ANK3: variants seen among roughly 807,000 people sequenced by gnomAD.
The protein encoded by ANK3 is ankyrin-3.
Under a neutral mutation model 370.9 loss-of-function variants are expected in ANK3, and 57 were observed. The ratio of observed to expected loss-of-function variants is 0.15; its 90% CI spans 0.12 to 0.19. The LOEUF (loss-of-function observed/expected upper bound fraction) is 0.19, where lower values mean the gene tolerates loss of function less well. Among genes scored for constraint, ANK3 ranks in the 10% least tolerant of loss-of-function variants. ANK3 has a pLI of 1.00. For missense variants in ANK3, 4,439 were observed against 5,302.1 expected (o/e 0.84, Z 5.06); for synonymous variants, 1,929 against 1,946.3 (o/e 0.99, Z 0.23).
intron 2 of ANK3, among the ~76,000 whole-genome samples, chr10:60,459,352 C>G (rs961969685): frequency 6.6e-6 from 1 of 152,128 alleles, no homozygotes; most frequent in African/African-American, 2.4e-5. Context: ...CCTGTATGAT[C>G]TGGCAGGTCG....
chr10:60,178,803 A>G (rs2096055720), intron 18 of ANK3, among the ~76,000 whole-genome samples: 1 of 152,208 alleles, frequency 6.6e-6, no homozygotes, highest in Admixed American at 6.5e-5. Flanking sequence ...ATGCTTCCGG[A>G]CATTATCCTT....
intron 1 of ANK3, among the ~76,000 whole-genome samples, chr10:60,323,142 G>T (rs1441608385): frequency 6.6e-6 from 1 of 152,154 alleles, no homozygotes; most frequent in Non-Finnish European, 1.5e-5. Flanking sequence ...CTCCAGTAAA[G>T]GGTGTATTAA....
chr10:60,604,276 T>G (rs2078102654), intron 2 of ANK3, among the ~76,000 whole-genome samples: 1 of 152,182 alleles, frequency 6.6e-6, no homozygotes, highest in African/African-American at 2.4e-5. Flanking sequence ...CATCATCATG[T>G]TTTTATAAGA....
At chr10:60,536,316 C>T (rs1458463114) in intron 2 of ANK3, among the ~76,000 whole-genome samples, 3 of 152,002 alleles carry the variant, frequency 2.0e-5, no homozygotes, top group African/African-American at 7.2e-5. Context: ...CTTTGGAAAG[C>T]TTGTTTTGCA....
intron 1 of ANK3, among the ~76,000 whole-genome samples, chr10:60,675,561 T>A (rs1481632222): frequency 6.6e-6 from 1 of 152,246 alleles, no homozygotes; most frequent in Non-Finnish European, 1.5e-5. Context: ...AAACTGATGA[T>A]TCATAAGTAT....
intron 1 of ANK3, among the ~76,000 whole-genome samples, chr10:60,664,302 C>A (rs1414483514): frequency 6.6e-6 from 1 of 152,128 alleles, no homozygotes; most frequent in Non-Finnish European, 1.5e-5. Flanking sequence ...TATAATTGTA[C>A]ATGAAATAAT....
chr10:60,669,131 A>G (rs995490781), intron 1 of ANK3, among the ~76,000 whole-genome samples: 2 of 152,202 alleles, frequency 1.3e-5, no homozygotes, highest in Non-Finnish European at 2.9e-5. Context: ...CGTGTCAAAC[A>G]GGTTTTTCTC....
chr10:60,369,574 G>T (rs1224802408), intron 1 of ANK3, among the ~76,000 whole-genome samples: 2 of 152,114 alleles, frequency 1.3e-5, no homozygotes, highest in Admixed American at 1.3e-4. Context: ...CTCAAACACA[G>T]ATACAACAAG....
At chr10:60,125,293 C>T (rs1362734949) in intron 25 of ANK3, among the ~76,000 whole-genome samples, 2 of 152,146 alleles carry the variant, frequency 1.3e-5, no homozygotes, top group African/African-American at 4.8e-5. Flanking sequence ...TGGTTATGAA[C>T]TCGAACAAAA....
At chr10:60,134,480 C>A in intron 24 of ANK3, 107 bp from the exon 25 acceptor site, 2 of 745,220 alleles carry the variant, frequency 2.7e-6, no homozygotes, top group South Asian at 2.2e-5. Flanking sequence ...CTAAAAATAT[C>A]AACAAAAGTT....
intron 2 of ANK3, among the ~76,000 whole-genome samples, chr10:60,506,295 A>G (rs2075938926): frequency 6.6e-6 from 1 of 152,126 alleles, no homozygotes; most frequent in African/African-American, 2.4e-5. Flanking sequence ...TTAAAGGACT[A>G]TGCAAATGAC....
At chr10:60,052,132 G>A (rs557155763) in intron 42 of ANK3, among the ~76,000 whole-genome samples, 1 of 152,224 alleles carries the variant, frequency 6.6e-6, no homozygotes, top group South Asian at 2.1e-4. Flanking sequence ...AGGCCAAGGC[G>A]GGTGGATCAC....
chr10:60,264,758 T>C (rs568831957), intron 5 of ANK3, among the ~76,000 whole-genome samples: 1 of 152,300 alleles, frequency 6.6e-6, no homozygotes, highest in East Asian at 1.9e-4. Flanking sequence ...GTCTGTCTGG[T>C]TCATTACTGT....
intron 1 of ANK3, among the ~76,000 whole-genome samples, chr10:60,315,643 T>C (rs904152523): frequency 2.0e-5 from 3 of 152,220 alleles, no homozygotes; most frequent in Non-Finnish European, 1.5e-5. Context: ...GAGAATGTTT[T>C]GGTAAAATTT....
At chr10:60,259,206 G>C (rs911868768) in intron 7 of ANK3, among the ~76,000 whole-genome samples, 11 of 152,212 alleles carry the variant, frequency 7.2e-5, no homozygotes, top group Non-Finnish European at 1.5e-4. Flanking sequence ...TGGATTGCTT[G>C]AGGCAGCTGG....
At chr10:60,252,572 A>G (rs533738633) in intron 7 of ANK3, among the ~76,000 whole-genome samples, 114 of 152,338 alleles carry the variant, frequency 7.5e-4, no homozygotes, top group African/African-American at 2.5e-3. Context: ...ATTCTAGAGC[A>G]GCACCCCAGG....
At chr10:60,198,579 A>G in intron 13 of ANK3, 42 bp from the exon 14 acceptor site, 1 of 1,570,724 alleles carries the variant, frequency 6.4e-7, no homozygotes, top group Non-Finnish European at 8.8e-7. Flanking sequence ...GAGCTGAGGA[A>G]ACAATGGTGC....
chr10:60,732,020 A>G (rs1175524836), intron 1 of ANK3, among the ~76,000 whole-genome samples: 2 of 152,200 alleles, frequency 1.3e-5, no homozygotes, highest in African/African-American at 2.4e-5. Flanking sequence ...GACGACAACT[A>G]AAGGAAAAAC....
intron 2 of ANK3, among the ~76,000 whole-genome samples, chr10:60,603,782 T>G (rs2078095815): frequency 6.6e-6 from 1 of 152,156 alleles, no homozygotes; most frequent in Admixed American, 6.6e-5. Flanking sequence ...CTGCAATCCA[T>G]CTTTTCCACT....
Sources: allele counts gnomAD v4.1 joint callset (sites outside exome capture counted in the v4.1 genomes callset), GRCh38; gene constraint gnomAD v4.1.1; transcripts MANE v1.5; gene names NCBI Gene and HGNC (gene_info 2026-07-23, HGNC 2026-07-21).